The following GATAD2A variants were observed in gnomAD, a reference collection of about 807,000 sequenced individuals.
The protein encoded by GATAD2A is transcriptional repressor p66-alpha.
In GATAD2A, 12 loss-of-function variants were observed where a neutral mutation model predicts 68.5. The ratio of observed to expected loss-of-function variants is 0.18; its 90% CI spans 0.11 to 0.28. GATAD2A has a LOEUF of 0.28. Among genes scored for constraint, GATAD2A ranks in the 10% least tolerant of loss-of-function variants. The probability of loss-of-function intolerance (pLI) is 1.00; values close to 1 mark genes in which losing one functional copy is unlikely to be tolerated. For synonymous variants in GATAD2A, 410 were observed against 375.3 expected (o/e 1.09, Z -1.07); for missense variants, 755 against 868.5 (o/e 0.87, Z 1.64).
At chr19:19,452,812 G>C (rs8111725) in intron 1 of GATAD2A, among the ~76,000 whole-genome samples, 4,825 of 152,268 alleles carry the variant, frequency 0.032, 247 homozygotes, top group African/African-American at 0.11. Context: ...TGCCTGTCCA[G>C]ATCCTGCCCC....
rs137932966 is a variant in GATAD2A, at chr19:19,433,405, T to C, written c.-7+27386T>C. Among the ~76,000 whole-genome samples, 538 of 152,312 alleles carry C rather than the reference T, an allele frequency of 3.5e-3. 1 individual carries two copies. The highest frequency in any genetic ancestry group is 5.7e-3 in the Non-Finnish European group (388 of 68,030). On this transcript the variant is annotated intron_variant, in intron 1 of 11. Transcript: ENST00000683918. ...AATTTGTGCCTGTTTTTCCATGTTG[T>C]TTTCGTTATTCTAGGTCCGTTGCAC...
chr19:19,466,565 GT>G (rs2057884311), intron 2 of GATAD2A, among the ~76,000 whole-genome samples: 1 of 152,214 alleles, frequency 6.6e-6, no homozygotes, highest in African/African-American at 2.4e-5. Flanking sequence ...CCAGCCTGCA[GT>G]CTTATGTCAA....
intron 1 of GATAD2A, among the ~76,000 whole-genome samples, chr19:19,443,917 G>C (rs1047339625): frequency 6.6e-6 from 1 of 152,120 alleles, no homozygotes; most frequent in African/African-American, 2.4e-5. Flanking sequence ...AGAGGGGACC[G>C]TGGCCTGTCA....
intron 1 of GATAD2A, among the ~76,000 whole-genome samples, chr19:19,455,536 CA>C (rs1225247622): frequency 1.3e-5 from 2 of 151,974 alleles, no homozygotes; most frequent in Non-Finnish European, 2.9e-5. Context: ...ATGGAAAAAA[CA>C]ATACAACATA....
intron 1 of GATAD2A, among the ~76,000 whole-genome samples, chr19:19,388,725 T>G (rs2048630968): frequency 1.3e-5 from 2 of 152,070 alleles, no homozygotes; most frequent in African/African-American, 4.8e-5. Flanking sequence ...GTGACCCACT[T>G]CCTGTCCCAT....
chr19:19,489,991 C>T (rs534165224), intron 2 of GATAD2A, among the ~76,000 whole-genome samples: 6 of 152,258 alleles, frequency 3.9e-5, no homozygotes, highest in African/African-American at 9.6e-5. Context: ...CGATCTTGGG[C>T]GGCATGGGGC....
In GATAD2A at chr19:19,394,131, T is replaced by A. The variant is rs569204123; in HGVS notation, c.-7+7993T>A. On this transcript the variant is annotated intron_variant, in intron 1 of 11. Coordinates refer to the GATAD2A transcript ENST00000360315. ...TCGAACTCCTGAGCTCAAGCAATCC[T>A]CCCGCCTAGGCCTCCCAAAGTGCTG... Among the ~76,000 whole-genome samples the A allele has an allele frequency of 1.1e-4, 17 of 151,990 alleles. No homozygotes were observed. In the South Asian group the frequency reaches 3.3e-3, roughly 30 times the overall value.
intron 2 of GATAD2A, 60 bp downstream of exon 2, chr19:19,465,674 GT>G: frequency 6.5e-7 from 1 of 1,533,502 alleles, no homozygotes; most frequent in South Asian, 1.2e-5. Flanking sequence ...GTGTGCCCAG[GT>G]TGGGGCTGGC....
intron 5 of GATAD2A, 68 bp downstream of exon 5, chr19:19,494,451 G>A (rs930301700): frequency 1.2e-5 from 12 of 1,018,166 alleles, no homozygotes; most frequent in Middle Eastern, 2.1e-4. Context: ...CAGGCTCCTC[G>A]GGCTCCCAAA....
intron 1 of GATAD2A, among the ~76,000 whole-genome samples, chr19:19,437,434 G>T (rs2054494295): frequency 6.6e-6 from 1 of 152,158 alleles, no homozygotes; most frequent in Non-Finnish European, 1.5e-5. Flanking sequence ...AAAATTTTTT[G>T]AGATATAATT....
chr19:19,411,372 G>A (rs1256995956), intron 1 of GATAD2A, among the ~76,000 whole-genome samples: 1 of 152,208 alleles, frequency 6.6e-6, no homozygotes, highest in Non-Finnish European at 1.5e-5. Context: ...CCAGCATCCG[G>A]ACTTCCATCT....
intron 2 of GATAD2A, among the ~76,000 whole-genome samples, chr19:19,485,790 C>T (rs571691936): frequency 6.6e-6 from 1 of 152,320 alleles, no homozygotes; most frequent in East Asian, 1.9e-4. Context: ...GTCTGGTGTA[C>T]AGGGTTTGTC....
intron 1 of GATAD2A, among the ~76,000 whole-genome samples, chr19:19,437,998 C>A (rs1391601927): frequency 6.6e-6 from 1 of 152,104 alleles, no homozygotes; most frequent in Non-Finnish European, 1.5e-5. Flanking sequence ...CAGGAATTAC[C>A]AGACTGTTAT....
chr19:19,504,242 A>G (rs1284482085), intron 11 of GATAD2A, among the ~76,000 whole-genome samples: 1 of 152,220 alleles, frequency 6.6e-6, no homozygotes, highest in Non-Finnish European at 1.5e-5. Context: ...ACTCTGGCCA[A>G]AAATTCTGCG....
At chr19:19,389,343 C>G (rs1362532623) in intron 1 of GATAD2A, among the ~76,000 whole-genome samples, 2 of 152,194 alleles carry the variant, frequency 1.3e-5, no homozygotes, top group African/African-American at 4.8e-5. Flanking sequence ...AGCATTTCAA[C>G]AAGTTCTTCC....
At chr19:19,442,817 A>C (rs1242121377) in intron 1 of GATAD2A, among the ~76,000 whole-genome samples, 1 of 151,060 alleles carries the variant, frequency 6.6e-6, no homozygotes, top group South Asian at 2.1e-4. Flanking sequence ...TGCTTAAAGG[A>C]CAAGGAAGAA....
chr19:19,498,148 C>T (rs549409662), intron 7 of GATAD2A, among the ~76,000 whole-genome samples: 1 of 152,360 alleles, frequency 6.6e-6, no homozygotes, highest in African/African-American at 2.4e-5. Flanking sequence ...CCCTCACATT[C>T]ACATGGCGGA....
chr19:19,423,266 A>G (rs1439652701), intron 1 of GATAD2A, among the ~76,000 whole-genome samples: 1 of 152,212 alleles, frequency 6.6e-6, no homozygotes, highest in African/African-American at 2.4e-5. Context: ...TCTGTCTCCC[A>G]AAGTGCTGAG....
intron 1 of GATAD2A, among the ~76,000 whole-genome samples, chr19:19,429,020 T>G (rs900879217): frequency 2.0e-5 from 3 of 148,762 alleles, no homozygotes; most frequent in Admixed American, 6.7e-5. Context: ...TTTGTATGTT[T>G]TTTTTTTTTT....
Sources: allele counts gnomAD v4.1 joint callset (sites outside exome capture counted in the v4.1 genomes callset), GRCh38; gene constraint gnomAD v4.1.1; transcripts MANE v1.5; gene names NCBI Gene and HGNC (gene_info 2026-07-23, HGNC 2026-07-21).